The following FAR2 variants were observed in gnomAD, a reference collection of about 807,000 sequenced individuals.
The protein encoded by FAR2 is epididymis secretory protein Li 81.
FAR2 carries 19 observed loss-of-function variants against 56.0 expected under a neutral mutation model. That is an observed-to-expected ratio of 0.34 (90% CI 0.24 to 0.50). The LOEUF (loss-of-function observed/expected upper bound fraction) is 0.50. Among genes scored for constraint, FAR2 ranks in the 20% least tolerant of loss-of-function variants. FAR2 has a pLI of 0.98. For synonymous variants in FAR2, 219 were observed against 218.8 expected, an observed-to-expected ratio of 1.00 and a Z score of -0.01; for missense variants, 508 against 642.2, an observed-to-expected ratio of 0.79 and a Z score of 2.26.
rs903455431 is a variant in FAR2, at chr12:29,324,846, G to A, written c.1257+2922G>A. Among the ~76,000 whole-genome samples the A allele has an allele frequency of 5.9e-5, 9 of 152,246 alleles. 1 individual carries two copies. Among genetic ancestry groups the A allele is most frequent in the African/African-American group, 2.2e-4 (9 of 41,532 alleles). On this transcript the variant is annotated intron_variant, in intron 10 of 11. Coordinates refer to ENST00000536681, the MANE Select transcript of FAR2 (RefSeq NM_001271783.2). ...CTAGGAAGAAACTGCATCAACTAAC[G>A]AGCAAAATAACCAGCTAACATCATG...
At chr12:29,184,693 T>G (rs538616489) in intron 1 of FAR2, among the ~76,000 whole-genome samples, 3 of 152,036 alleles carry the variant, frequency 2.0e-5, no homozygotes, top group Non-Finnish European at 4.4e-5. Flanking sequence ...CACCTTAGCC[T>G]CCTAAGGTAC....
intron 1 of FAR2, among the ~76,000 whole-genome samples, chr12:29,214,898 G>C (rs945136398): frequency 6.6e-6 from 1 of 152,050 alleles, no homozygotes; most frequent in South Asian, 2.1e-4. Flanking sequence ...TGACGACAGG[G>C]AAAGAGAGAA....
intron 1 of FAR2, among the ~76,000 whole-genome samples, chr12:29,180,769 C>CTATT (rs2136596962): frequency 6.9e-6 from 1 of 145,846 alleles, no homozygotes; most frequent in African/African-American, 2.6e-5. Flanking sequence ...ATCTATCTAT[C>CTATT]TATTCTCTAT....
chr12:29,170,196 C>G (rs970436581), intron 1 of FAR2, among the ~76,000 whole-genome samples: 6 of 152,234 alleles, frequency 3.9e-5, no homozygotes, highest in African/African-American at 1.4e-4. Flanking sequence ...CCTGCTTCTG[C>G]AAGAGTTTCC....
chr12:29,242,135 T>C (rs185897824), intron 1 of FAR2, among the ~76,000 whole-genome samples: 1 of 152,316 alleles, frequency 6.6e-6, no homozygotes, highest in Non-Finnish European at 1.5e-5. Flanking sequence ...ACTTCAAGAC[T>C]TCTGAGGAGC....
intron 10 of FAR2, among the ~76,000 whole-genome samples, chr12:29,325,811 AT>A (rs1435688130): frequency 1.3e-5 from 2 of 152,240 alleles, no homozygotes; most frequent in Non-Finnish European, 2.9e-5. Context: ...AAGATCTAAA[AT>A]TGACACCCTA....
intron 1 of FAR2, among the ~76,000 whole-genome samples, chr12:29,255,466 C>T (rs1399645193): frequency 2.0e-5 from 3 of 152,144 alleles, no homozygotes; most frequent in Non-Finnish European, 2.9e-5. Context: ...AAGCCCATGA[C>T]AATGTTTAGT....
chr12:29,333,884 A>G lies in FAR2; in HGVS notation c.*90A>G, dbSNP rs902950408. 4.8e-6 allele frequency: 6 copies of G among 1,237,616 alleles called. No individual in the cohort carries two copies. Among genetic ancestry groups the G allele is most frequent in the Non-Finnish European group, 6.9e-6 (6 of 874,206 alleles). 76.7% of individuals were successfully genotyped at this position (1,237,616 alleles called of 1,614,324 possible). A position where few individuals can be genotyped will look rare whatever the true frequency, so the allele number is the denominator to read the frequency against. On this transcript the variant is annotated 3_prime_UTR_variant, in exon 12 of 12. Coordinates refer to ENST00000536681, the MANE Select transcript of FAR2 (RefSeq NM_001271783.2). ...TCTCAAGATTAGAAAGTAACAAGGA[A>G]TATGCCCAAACTGTCAAATGTCACC...
intron 1 of FAR2, among the ~76,000 whole-genome samples, chr12:29,157,582 A>T (rs1339455743): frequency 6.6e-6 from 1 of 152,200 alleles, no homozygotes; most frequent in Non-Finnish European, 1.5e-5. Context: ...GCATCTGCTG[A>T]TGAATAACAG....
chr12:29,319,483 C>T (rs1242603262), intron 9 of FAR2, among the ~76,000 whole-genome samples: 1 of 152,166 alleles, frequency 6.6e-6, no homozygotes, highest in Non-Finnish European at 1.5e-5. Context: ...GTGCTGCCTG[C>T]TTCTGCTCCC....
rs1301118886 is a variant in FAR2, at chr12:29,274,264, G to A, written c.189+3626G>A. Reference sequence around the variant, plus strand: ...TGTGTCCATGTGTTCTCATTGTTCAGTTCCCACCTCTGAGTGAGAACATGT... The same window carrying A: ...TGTGTCCATGTGTTCTCATTGTTCAATTCCCACCTCTGAGTGAGAACATGT... On this transcript the variant is annotated intron_variant, in intron 2 of 11. Coordinates refer to ENST00000536681, the MANE Select transcript of FAR2 (RefSeq NM_001271783.2). 4.4e-5 allele frequency among the ~76,000 whole-genome samples: 6 copies of A among 135,358 alleles called. No homozygotes were observed. The East Asian group carries it at 6.5e-4, about 15-fold the overall frequency. 88.8% of individuals were successfully genotyped at this position (135,358 alleles called of 152,430 possible).
rs544715826 is a variant in FAR2 at position 29,291,303 on chromosome 12, C to A, written c.190-1997C>A. The A allele has an allele frequency of 2.7e-5, 12 of 440,682 alleles. 1 individual carries two copies. The highest frequency in any genetic ancestry group is 1.6e-4 in the South Asian group (10 of 62,078). The allele number at this position is 440,682 out of a possible 1,614,324, so 27.3% of individuals were successfully genotyped here. ...GGACCATCAGATCCACCTGCAGAGG[C>A]GGTTAAGAAATACAATTTCCTAGGT... On this transcript the variant is annotated intron_variant, in intron 2 of 11. Transcript: ENST00000536681.
At chr12:29,249,170 A>G (rs1289482778) in intron 1 of FAR2, among the ~76,000 whole-genome samples, 2 of 152,178 alleles carry the variant, frequency 1.3e-5, no homozygotes, top group African/African-American at 4.8e-5. Flanking sequence ...AATCTTTACA[A>G]TTTATGTTTA....
At chr12:29,199,916 G>A (rs1261764340) in intron 1 of FAR2, among the ~76,000 whole-genome samples, 2 of 152,152 alleles carry the variant, frequency 1.3e-5, no homozygotes, top group Non-Finnish European at 2.9e-5. Context: ...AAAATATGTT[G>A]TATTGGTAGT....
At chr12:29,169,479 C>T (rs771381071) in intron 1 of FAR2, among the ~76,000 whole-genome samples, 48 of 152,142 alleles carry the variant, frequency 3.2e-4, no homozygotes, top group Non-Finnish European at 6.2e-4. Flanking sequence ...ATGGCAGTCA[C>T]GGGACCTAGA....
At chr12:29,282,439 CAG>C (rs1411802608) in intron 2 of FAR2, 1 of 152,174 alleles carries the variant, frequency 6.6e-6, no homozygotes, top group Non-Finnish European at 1.5e-5. Flanking sequence ...TTGACACAAA[CAG>C]AGTGATTTAA....
intron 1 of FAR2, among the ~76,000 whole-genome samples, chr12:29,230,996 G>A (rs1312578309): frequency 2.0e-5 from 3 of 152,180 alleles, no homozygotes; most frequent in Non-Finnish European, 4.4e-5. Flanking sequence ...GCTGTCCAAT[G>A]TGCTGAAGAG....
chr12:29,323,029 C>G (rs1004339727), intron 10 of FAR2, among the ~76,000 whole-genome samples: 13 of 152,252 alleles, frequency 8.5e-5, no homozygotes, highest in Admixed American at 3.3e-4. Flanking sequence ...GCGTCGCTCA[C>G]GCTGGTAGCT....
chr12:29,265,388 T>A (rs1041837368), intron 1 of FAR2, among the ~76,000 whole-genome samples: 93 of 152,224 alleles, frequency 6.1e-4, no homozygotes, highest in African/African-American at 2.1e-3. Flanking sequence ...CTACAGTAAA[T>A]TCATTTTTGG....
Sources: gnomAD v4.1 joint callset for allele counts (sites outside exome capture counted in the v4.1 genomes callset) on GRCh38, gnomAD v4.1.1 for gene constraint, MANE v1.5 for transcripts, NCBI Gene and HGNC (gene_info 2026-07-23, HGNC 2026-07-21) for gene names.